MIX23: variants seen among roughly 807,000 people sequenced by gnomAD.
The protein encoded by MIX23 is protein MIX23.
MIX23 carries 13 observed loss-of-function variants against 21.6 expected under a neutral mutation model. The ratio of observed to expected loss-of-function variants is 0.60; its 90% CI spans 0.39 to 0.96. MIX23 has a LOEUF of 0.96. MIX23 is among the 40% of genes least tolerant of loss of function. MIX23 has a pLI of 0.00. For missense variants in MIX23, 144 were observed against 171.2 expected (o/e 0.84, Z 0.89); for synonymous variants, 59 against 58.0 (o/e 1.02, Z -0.08).
chr3:122,367,405 G>A (rs575251292), intron 3 of MIX23, among the ~76,000 whole-genome samples: 11 of 152,188 alleles, frequency 7.2e-5, no homozygotes, highest in African/African-American at 2.4e-4. Context: ...TCCTTGACAC[G>A]TCACATACAA....
In MIX23 at chr3:122,359,864, T is replaced by G; in HGVS notation, c.*5A>C. 1 of 902,938 alleles carries G rather than the reference T, an allele frequency of 1.1e-6. No individual in the cohort carries two copies. The allele number at this position is 902,938 out of a possible 1,614,324, so 55.9% of individuals were successfully genotyped here. On this transcript the variant is annotated 3_prime_UTR_variant, in exon 5 of 5. Coordinates refer to ENST00000291458, the MANE Select transcript of MIX23 (RefSeq NM_001017928.4). ...AAAAAAAAAAAAAAAAAAAAGAATC[T>G]CTCTTTATTCATTCTTTGGAGGCTT...
At chr3:122,369,572 A>G (rs1335815676) in intron 2 of MIX23, among the ~76,000 whole-genome samples, 2 of 152,344 alleles carry the variant, frequency 1.3e-5, no homozygotes, top group East Asian at 1.9e-4. Context: ...TACTTGATAT[A>G]CATGTTGCTG....
Position 122,376,315 on chromosome 3 carries a change from A to G in MIX23, c.52-4515T>C, listed in dbSNP as rs1183477590. The stretch of plus-strand genomic sequence containing the variant: ...CACACATATATATAGAATACCATGC[A>G]GCCACAGAAAAGAATGAAATCATCC... On this transcript the variant is annotated intron_variant, in intron 1 of 4. Transcript: ENST00000291458. Among the ~76,000 whole-genome samples, 3 of 152,084 alleles carry G rather than the reference A, an allele frequency of 2.0e-5. No individual in the cohort carries two copies. In the East Asian group the frequency reaches 5.8e-4, roughly 29 times the overall value.
At chr3:122,382,951 G>T (rs765345361) in intron 1 of MIX23, among the ~76,000 whole-genome samples, 1 of 152,202 alleles carries the variant, frequency 6.6e-6, no homozygotes, top group African/African-American at 2.4e-5. Context: ...GACAAGGCCG[G>T]AGAGCCGCGG....
At chr3:122,372,894 T>G (rs1168246397) in intron 1 of MIX23, 1 of 322,184 alleles carries the variant, frequency 3.1e-6, no homozygotes, top group Non-Finnish European at 6.1e-6. Context: ...TACTTATTAT[T>G]GAAAACATCC....
chr3:122,379,472 G>A (rs572569564), intron 1 of MIX23, among the ~76,000 whole-genome samples: 56 of 152,260 alleles, frequency 3.7e-4, no homozygotes, highest in African/African-American at 1.3e-3. Context: ...GCAAAAGTTC[G>A]GGCTGCCCTC....
chr3:122,374,795 T>C (rs1047864692), intron 1 of MIX23, among the ~76,000 whole-genome samples: 1 of 152,096 alleles, frequency 6.6e-6, no homozygotes, highest in Non-Finnish European at 1.5e-5. Context: ...AAGTGTCCTA[T>C]AAACAAGATA....
intron 1 of MIX23, among the ~76,000 whole-genome samples, chr3:122,382,329 G>A (rs955718821): frequency 2.6e-5 from 4 of 152,202 alleles, no homozygotes; most frequent in Non-Finnish European, 5.9e-5. Context: ...CCCGGGCGTG[G>A]TGACACGTGC....
Position 122,376,031 on chromosome 3 carries a change from G to A in MIX23, c.52-4231C>T, listed in dbSNP as rs138862864. ...ACAAAAATTAGACTGGCATGGTGGC[G>A]CGCACCTGTAATCCCAGCTACTTGG... On this transcript the variant is annotated intron_variant, in intron 1 of 4. Transcript: ENST00000291458. 2.2e-3 allele frequency among the ~76,000 whole-genome samples: 327 copies of A among 151,174 alleles called. 1 individual carries two copies. The highest frequency in any genetic ancestry group is 7.6e-3 in the African/African-American group (312 of 41,180).
chr3:122,359,623 C>CA lies in MIX23; in HGVS notation c.*245dup, dbSNP rs759993941. On this transcript the variant is annotated 3_prime_UTR_variant, in exon 5 of 5. Coordinates refer to ENST00000291458, the MANE Select transcript of MIX23 (RefSeq NM_001017928.4). ...AGTCAGAAAATTATTTTAATAGTTACAAAAATTTTTTTTTTTTTTTTTTAC... is the reference window on the plus strand; with the variant it reads ...AGTCAGAAAATTATTTTAATAGTTACAAAAAATTTTTTTTTTTTTTTTTTAC... 11 of 231,008 alleles carry CA rather than the reference C, an allele frequency of 4.8e-5. No homozygotes were observed. The highest frequency in any genetic ancestry group is 1.0e-4 in the African/African-American group (4 of 39,112). The allele number at this position is 231,008 out of a possible 1,614,324, so 14.3% of individuals were successfully genotyped here.
intron 1 of MIX23, among the ~76,000 whole-genome samples, chr3:122,381,488 G>A (rs1051445643): frequency 1.3e-5 from 2 of 152,236 alleles, no homozygotes; most frequent in African/African-American, 2.4e-5. Context: ...CATTTCGGAA[G>A]GCTGAAAGGG....
intron 1 of MIX23, among the ~76,000 whole-genome samples, chr3:122,379,214 T>A (rs1277465616): frequency 6.6e-6 from 1 of 152,226 alleles, no homozygotes; most frequent in East Asian, 1.9e-4. Flanking sequence ...GCATGCCATT[T>A]AGTCAATCAT....
intron 1 of MIX23, among the ~76,000 whole-genome samples, chr3:122,378,345 G>C (rs748296824): frequency 2.0e-5 from 3 of 152,142 alleles, no homozygotes; most frequent in African/African-American, 4.8e-5. Context: ...ATAGCAATGG[G>C]AATCTATCCA....
At chr3:122,378,053 G>A (rs1056157405) in intron 1 of MIX23, among the ~76,000 whole-genome samples, 8 of 152,164 alleles carry the variant, frequency 5.3e-5, no homozygotes, top group African/African-American at 1.7e-4. Context: ...AGTCTTTTCT[G>A]AGACCCACAG....
intron 4 of MIX23, among the ~76,000 whole-genome samples, chr3:122,360,690 A>G (rs1012059626): frequency 6.6e-6 from 1 of 152,148 alleles, no homozygotes; most frequent in African/African-American, 2.4e-5. Context: ...ATTTTTTCTC[A>G]GAATTTACCC....
At chr3:122,380,442 CA>C (rs1304985962) in intron 1 of MIX23, among the ~76,000 whole-genome samples, 3 of 152,170 alleles carry the variant, frequency 2.0e-5, no homozygotes, top group Non-Finnish European at 4.4e-5. Context: ...GCCCTGTAAG[CA>C]TAAAAGAAAC....
intron 3 of MIX23, chr3:122,365,735 A>ACT (rs2075392032): frequency 6.6e-6 from 1 of 152,106 alleles, no homozygotes; most frequent in African/African-American, 2.4e-5. Flanking sequence ...CTAATGAGTC[A>ACT]CTCTGTTGTT....
intron 2 of MIX23, among the ~76,000 whole-genome samples, chr3:122,371,233 A>G (rs2075439480): frequency 6.6e-6 from 1 of 152,246 alleles, no homozygotes; most frequent in South Asian, 2.1e-4. Context: ...CAGTTGCCAA[A>G]TGCTTCTATT....
At chr3:122,367,940 G>C (rs1252764458) in intron 3 of MIX23, 1 of 501,652 alleles carries the variant, frequency 2.0e-6, no homozygotes, top group Non-Finnish European at 3.5e-6. Context: ...AATTATGACT[G>C]TGCTTATTTT....
Sources: gnomAD v4.1 joint callset for allele counts (sites outside exome capture counted in the v4.1 genomes callset) on GRCh38, gnomAD v4.1.1 for gene constraint, MANE v1.5 for transcripts, NCBI Gene and HGNC (gene_info 2026-07-23, HGNC 2026-07-21) for gene names.